The following ADCY5 variants were observed in gnomAD, a reference collection of about 807,000 sequenced individuals.
ADCY5 encodes adenylate cyclase 5, also known as adenylate cyclase type 5.
In ADCY5, 30 loss-of-function variants were observed where a neutral mutation model predicts 119.7. That is an observed-to-expected ratio of 0.25 (90% CI 0.19 to 0.34). The LOEUF (loss-of-function observed/expected upper bound fraction) is 0.34, where lower values mean the gene tolerates loss of function less well. Among genes scored for constraint, ADCY5 ranks in the 10% least tolerant of loss-of-function variants. ADCY5 has a pLI of 1.00. For missense variants in ADCY5, 1,324 were observed against 1,775.2 expected (o/e 0.75, Z 4.57); for synonymous variants, 753 against 762.2 (o/e 0.99, Z 0.20).
In ADCY5 at chr3:123,291,338, G is replaced by A; in HGVS notation, c.3102C>T (p.Ala1034=). 1 of 1,613,814 alleles carries A rather than the reference G, an allele frequency of 6.2e-7. No individual in the cohort carries two copies. Among genetic ancestry groups the A allele is most frequent in the Non-Finnish European group, 8.5e-7 (1 of 1,179,938 alleles). ...TGTTGTGCAGCAGCCGCCGGTTGTA[G>A]GCCTGCAGCTCCTCCATCTCCTCTT... is the stretch of plus-strand genomic sequence containing the variant. ...EEKEEMEELQ[A]YNRRLLHNIL... is the part of the protein sequence containing the mutation. Residue 1034 remains alanine (A), a synonymous_variant, in exon 18 of 21, where the codon GCC becomes GCT. Coordinates refer to ENST00000462833, the MANE Select transcript of ADCY5 (RefSeq NM_183357.3).
chr3:123,390,371 G>A (rs1226074566), intron 1 of ADCY5, among the ~76,000 whole-genome samples: 2 of 152,124 alleles, frequency 1.3e-5, no homozygotes, highest in Non-Finnish European at 1.5e-5. Context: ...GCGTCTTCAA[G>A]CCCATTTCCC....
intron 7 of ADCY5, among the ~76,000 whole-genome samples, chr3:123,325,723 G>C (rs922108744): frequency 6.6e-6 from 1 of 152,262 alleles, no homozygotes; most frequent in Non-Finnish European, 1.5e-5. Flanking sequence ...TTGTGAGAAA[G>C]CAAAGAGCTT....
At chr3:123,433,591 T>A (rs9862885) in intron 1 of ADCY5, among the ~76,000 whole-genome samples, 145,742 of 152,306 alleles carry the variant, frequency 0.96, 70,048 homozygotes, top group Non-Finnish European at 1. Flanking sequence ...CTGGGGTATT[T>A]CTTAGGGTGT....
intron 8 of ADCY5, among the ~76,000 whole-genome samples, chr3:123,323,035 C>T (rs537143444): frequency 1.3e-5 from 2 of 152,332 alleles, no homozygotes; most frequent in South Asian, 2.1e-4. Context: ...CAATGGCCCT[C>T]GCGGCACTGA....
At chr3:123,301,833 G>A (rs1939869792) in intron 14 of ADCY5, among the ~76,000 whole-genome samples, 1 of 152,240 alleles carries the variant, frequency 6.6e-6, no homozygotes, top group Non-Finnish European at 1.5e-5. Context: ...AGAGGCTAGG[G>A]AGGCTGGGGA....
At chr3:123,344,897 G>A (rs889129355) in intron 3 of ADCY5, among the ~76,000 whole-genome samples, 3 of 152,184 alleles carry the variant, frequency 2.0e-5, no homozygotes, top group Non-Finnish European at 2.9e-5. Flanking sequence ...TGTCCCTGGC[G>A]ATGTCAGAGT....
intron 17 of ADCY5, among the ~76,000 whole-genome samples, chr3:123,295,429 G>C (rs1236040191): frequency 2.0e-5 from 3 of 152,226 alleles, no homozygotes; most frequent in African/African-American, 7.2e-5. Flanking sequence ...TGGCCCTTCC[G>C]AGATGCTCCA....
Position 123,325,313 on chromosome 3 carries a change from G to A in ADCY5, c.2088+9C>T. 1 of 1,613,916 alleles carries A rather than the reference G, an allele frequency of 6.2e-7. No individual in the cohort carries two copies. The highest frequency in any genetic ancestry group is 8.5e-7 in the Non-Finnish European group (1 of 1,179,860). ...GTGTTGCCCACAGGCTGCCCCACCA[G>A]CCACTCACCATCCGCTTCATCTCCT... On this transcript the variant is annotated intron_variant, in intron 8 of 20. Transcript: ENST00000462833.
intron 1 of ADCY5, among the ~76,000 whole-genome samples, chr3:123,413,263 C>T (rs569649677): frequency 6.6e-5 from 10 of 152,208 alleles, no homozygotes; most frequent in South Asian, 2.1e-4. Context: ...ACACGGAACA[C>T]GGAACATTTC....
At chr3:123,418,273 A>T (rs1439607101) in intron 1 of ADCY5, among the ~76,000 whole-genome samples, 1 of 152,254 alleles carries the variant, frequency 6.6e-6, no homozygotes, top group Non-Finnish European at 1.5e-5. Context: ...ATCTGGGTGT[A>T]TCTGCAAGGG....
At chr3:123,417,594 G>A (rs899343722) in intron 1 of ADCY5, among the ~76,000 whole-genome samples, 2 of 152,214 alleles carry the variant, frequency 1.3e-5, no homozygotes, top group Non-Finnish European at 1.5e-5. Context: ...GCATTGAAGT[G>A]GCCAGAAATC....
intron 1 of ADCY5, among the ~76,000 whole-genome samples, chr3:123,383,756 T>C (rs1397376911): frequency 1.3e-5 from 2 of 151,952 alleles, no homozygotes; most frequent in African/African-American, 4.8e-5. Flanking sequence ...CACAAGCCCA[T>C]ATCCACATCC....
At position 123,295,862 on chromosome 3, in the gene ADCY5, C is replaced by G. The variant is rs896719534; in HGVS notation, c.3063+222G>C. Among the ~76,000 whole-genome samples the G allele has an allele frequency of 2.0e-5, 3 of 152,252 alleles. No homozygotes were observed. In the East Asian group the frequency reaches 5.8e-4, roughly 29 times the overall value. ...CCCAGCACTGTCAGCATGGGTTTGT[C>G]TGCACAGAGTAAGTCCCAGGGTTTT... On this transcript the variant is annotated intron_variant, in intron 17 of 20. Transcript: ENST00000462833.
At chr3:123,289,429 C>G (rs113906672) in intron 19 of ADCY5, among the ~76,000 whole-genome samples, 1 of 152,264 alleles carries the variant, frequency 6.6e-6, no homozygotes, top group Non-Finnish European at 1.5e-5. Context: ...CAAAGCCCTT[C>G]GAGCAGGCAC....
chr3:123,420,503 G>C (rs981727431), intron 1 of ADCY5, among the ~76,000 whole-genome samples: 14 of 152,158 alleles, frequency 9.2e-5, no homozygotes, highest in African/African-American at 3.4e-4. Flanking sequence ...GGGAGGTGAG[G>C]GGTGAGTGAT....
rs1378805 is a variant in ADCY5, at chr3:123,446,357, A to G, written c.1134+1055T>C. Among the ~76,000 whole-genome samples, 1,374 of 152,354 alleles carry G rather than the reference A, an allele frequency of 9.0e-3. 23 individuals carry two copies. The highest frequency in any genetic ancestry group is 0.032 in the African/African-American group (1,313 of 41,576). ...AGAGGTTCTATTCGAGAAGGCAGAC[A>G]CCAGTGGGCAGATGTGTGCACTGGG... On this transcript the variant is annotated intron_variant, in intron 1 of 20. Coordinates refer to ENST00000462833, the MANE Select transcript of ADCY5 (RefSeq NM_183357.3).
At chr3:123,335,980 C>G (rs1942008005) in intron 3 of ADCY5, among the ~76,000 whole-genome samples, 1 of 152,188 alleles carries the variant, frequency 6.6e-6, no homozygotes, top group Non-Finnish European at 1.5e-5. Context: ...GGAGGTGGAG[C>G]AGAGAGGACA....
intron 5 of ADCY5, among the ~76,000 whole-genome samples, chr3:123,330,185 G>A (rs567561937): frequency 1.0e-3 from 152 of 152,252 alleles, no homozygotes; most frequent in Non-Finnish European, 1.4e-3. Context: ...CAACGGACCC[G>A]GCTGCCTTCC....
At chr3:123,357,087 A>T (rs1184594489) in intron 1 of ADCY5, among the ~76,000 whole-genome samples, 4 of 152,180 alleles carry the variant, frequency 2.6e-5, no homozygotes, top group Non-Finnish European at 5.9e-5. Flanking sequence ...GGTAGGGCTG[A>T]CAACAAAGGG....
Sources: allele counts gnomAD v4.1 joint callset (sites outside exome capture counted in the v4.1 genomes callset), GRCh38; gene constraint gnomAD v4.1.1; transcripts MANE v1.5; gene names NCBI Gene and HGNC (gene_info 2026-07-23, HGNC 2026-07-21).